The following TRDMT1 variants were observed in gnomAD, a reference collection of about 807,000 sequenced individuals.
The protein encoded by TRDMT1 is tRNA aspartic acid methyltransferase 1.
TRDMT1 carries 49 observed loss-of-function variants against 51.2 expected under a neutral mutation model. The ratio of observed to expected loss-of-function variants is 0.96; its 90% confidence interval spans 0.76 to 1.21. The LOEUF is 1.21. TRDMT1 is among the 50% of genes most tolerant of loss of function. TRDMT1 has a pLI of 0.00. For synonymous variants in TRDMT1, 187 were observed against 164.6 expected, an observed-to-expected ratio of 1.14 and a Z score of -1.04; for missense variants, 534 against 462.3, an observed-to-expected ratio of 1.16 and a Z score of -1.42.
At chr10:17,187,210 AGT>A (rs1172398505) in intron 1 of TRDMT1, among the ~76,000 whole-genome samples, 5 of 152,220 alleles carry the variant, frequency 3.3e-5, no homozygotes, top group Non-Finnish European at 7.3e-5. Flanking sequence ...GAATATTTTC[AGT>A]GTGTCCCAAT....
In TRDMT1 at chr10:17,145,577, CAGTT is replaced by C. The variant is rs921473331; in HGVS notation, c.*3459_*3462del. The C allele has an allele frequency of 1.4e-5, 14 of 985,326 alleles. No individual in the cohort carries two copies. In the Admixed American group the frequency reaches 1.8e-4, roughly 13 times the overall value. 61.0% of individuals were successfully genotyped at this position (985,326 alleles called of 1,614,324 possible). A position where few individuals can be genotyped will look rare whatever the true frequency, so the allele number is the denominator to read the frequency against. ...CAGTGTCATAACTGGTGGCCTAAAA[CAGTT>C]AGAATCCCAAGCCGAAGGCCAAATT... On this transcript the variant is annotated 3_prime_UTR_variant, in exon 11 of 11. Transcript: ENST00000377799.
At chr10:17,176,291 G>A (rs548514906) in intron 1 of TRDMT1, among the ~76,000 whole-genome samples, 1 of 152,206 alleles carries the variant, frequency 6.6e-6, no homozygotes, top group Non-Finnish European at 1.5e-5. Flanking sequence ...CATATATGAA[G>A]CAAACTGGGA....
Position 17,141,130 on chromosome 10 carries a change from T to C in TRDMT1, c.*7910A>G, listed in dbSNP as rs1167499151. The stretch of plus-strand genomic sequence containing the variant: ...CATCCAAATTGTGTCCCCCGCCCCA[T>C]GGCAACGTGTCATTTTTCTCCAGCT... On this transcript the variant is annotated 3_prime_UTR_variant, in exon 11 of 11. Transcript: ENST00000377799. 6.6e-6 allele frequency among the ~76,000 whole-genome samples: 1 copy of C among 152,198 alleles called. No individual in the cohort carries two copies. The highest frequency in any genetic ancestry group is 2.4e-5 in the African/African-American group (1 of 41,462).
At chr10:17,188,044 A>T (rs1398281152) in intron 1 of TRDMT1, among the ~76,000 whole-genome samples, 1 of 113,484 alleles carries the variant, frequency 8.8e-6, no homozygotes, top group Non-Finnish European at 2.0e-5. Flanking sequence ...ACATTAGTAA[A>T]CTTAATTTTA....
chr10:17,187,837 C>T (rs1564335728), intron 1 of TRDMT1, among the ~76,000 whole-genome samples: 1 of 152,044 alleles, frequency 6.6e-6, no homozygotes, highest in African/African-American at 2.4e-5. Flanking sequence ...AAACATAAGA[C>T]AACTAGAATA....
In TRDMT1 at chr10:17,201,666, T is replaced by A; in HGVS notation, c.-32A>T. The A allele has an allele frequency of 2.6e-6, 4 of 1,533,226 alleles. No homozygotes were observed. Among genetic ancestry groups the A allele is most frequent in the Non-Finnish European group, 3.5e-6 (4 of 1,140,190 alleles). The allele number at this position is 1,533,226 out of a possible 1,614,324, so 95.0% of individuals were successfully genotyped here. On this transcript the variant is annotated 5_prime_UTR_variant, in exon 1 of 11. Transcript: ENST00000377799. ...GCCTCAGCCGCCGCAGCCCCGGAGCTAGGCCTGCCGGTCCGTCGCTCCTCC... is the reference window on the plus strand; with the variant it reads ...GCCTCAGCCGCCGCAGCCCCGGAGCAAGGCCTGCCGGTCCGTCGCTCCTCC...
chr10:17,181,687 TAAC>T (rs1843300931), intron 1 of TRDMT1, among the ~76,000 whole-genome samples: 1 of 151,914 alleles, frequency 6.6e-6, no homozygotes, highest in Non-Finnish European at 1.5e-5. Context: ...TCAAATTTTT[TAAC>T]ACCTACAATG....
Position 17,159,118 on chromosome 10 carries a change from A to G in TRDMT1, c.543+28T>C, listed in dbSNP as rs1474009269. The G allele has an allele frequency of 3.5e-6, 5 of 1,422,350 alleles. No individual in the cohort carries two copies. The South Asian group carries it at 6.6e-5, about 19-fold the overall frequency. 88.1% of individuals were successfully genotyped at this position (1,422,350 alleles called of 1,614,324 possible). ...ATATTTATAATAAATAAGCCATAAT[A>G]TTCATAATAAAATTCCAATAATAAT... On this transcript the variant is annotated intron_variant, in intron 7 of 10. Transcript: ENST00000377799.
chr10:17,148,793 ATATT>A lies in TRDMT1; in HGVS notation c.*243_*246del. On this transcript the variant is annotated 3_prime_UTR_variant, in exon 11 of 11. Transcript: ENST00000377799. ...TTTTTAAAAAGAATATTCCACATAT[ATATT>A]TATCAGTTTCATATGAAAATATACT... is the stretch of plus-strand genomic sequence containing the variant. 4 of 1,072,876 alleles carry A rather than the reference ATATT, an allele frequency of 3.7e-6. No individual in the cohort carries two copies. In the South Asian group the frequency reaches 1.0e-4, roughly 28 times the overall value. 66.5% of individuals were successfully genotyped at this position (1,072,876 alleles called of 1,614,324 possible).
chr10:17,142,918 A>G lies in TRDMT1; in HGVS notation c.*6122T>C. ...TTATACTTACCCAGAGTTTATAATT[A>G]CACTTTTCAGGGAGGAGCAGGGAGA... On this transcript the variant is annotated 3_prime_UTR_variant, in exon 11 of 11. Transcript: ENST00000377799. 1 of 870,760 alleles carries G rather than the reference A, an allele frequency of 1.1e-6. No individual in the cohort carries two copies. The highest frequency in any genetic ancestry group is 1.4e-6 in the Non-Finnish European group (1 of 725,208). 53.9% of individuals were successfully genotyped at this position (870,760 alleles called of 1,614,324 possible). A position where few individuals can be genotyped will look rare whatever the true frequency, so the allele number is the denominator to read the frequency against.
intron 1 of TRDMT1, among the ~76,000 whole-genome samples, chr10:17,191,952 G>A (rs1238477236): frequency 6.6e-6 from 1 of 152,098 alleles, no homozygotes; most frequent in African/African-American, 2.4e-5. Flanking sequence ...ATCATTCTGA[G>A]GGTCAAGCTC....
chr10:17,190,229 T>G (rs1844505123), intron 1 of TRDMT1, among the ~76,000 whole-genome samples: 1 of 152,156 alleles, frequency 6.6e-6, no homozygotes, highest in East Asian at 1.9e-4. Flanking sequence ...TTCACCAATA[T>G]TTCTGATAAT....
intron 3 of TRDMT1, among the ~76,000 whole-genome samples, chr10:17,166,639 G>A (rs10795453): frequency 0.95 from 144,046 of 152,298 alleles, 68,553 homozygotes; most frequent in Non-Finnish European, 1. Flanking sequence ...AGGTTCAGCT[G>A]TGGGATTAGA....
intron 8 of TRDMT1, among the ~76,000 whole-genome samples, chr10:17,154,936 T>C (rs1177073731): frequency 1.3e-5 from 2 of 152,168 alleles, no homozygotes; most frequent in African/African-American, 4.8e-5. Context: ...GTCTCATCAA[T>C]GGGCCGGGCA....
rs1839666583 is a variant in TRDMT1, at chr10:17,157,359, T to G, written c.887+82A>C. On this transcript the variant is annotated intron_variant, in intron 8 of 10. Transcript: ENST00000377799. Reference sequence around the variant, plus strand: ...AAAACATTTTATAAAATGCTCCTTGTTTTTAGAAGAACTTAAAGAAACAAT... The same window carrying G: ...AAAACATTTTATAAAATGCTCCTTGGTTTTAGAAGAACTTAAAGAAACAAT... 4.6e-6 allele frequency: 6 copies of G among 1,314,002 alleles called. No individual in the cohort carries two copies. In the South Asian group the frequency reaches 8.1e-5, roughly 18 times the overall value. The allele number at this position is 1,314,002 out of a possible 1,614,324, so 81.4% of individuals were successfully genotyped here.
intron 10 of TRDMT1, chr10:17,152,131 AAAGCAGACTAGG>A (rs1259992442): frequency 2.2e-4 from 283 of 1,261,912 alleles, no homozygotes; most frequent in Non-Finnish European, 2.8e-4. Flanking sequence ...AGTAGCTAGG[AAAGCAGACTAGG>A]AATGAGAATT....
chr10:17,193,570 C>T (rs1844984094), intron 1 of TRDMT1, among the ~76,000 whole-genome samples: 1 of 151,976 alleles, frequency 6.6e-6, no homozygotes, highest in African/African-American at 2.4e-5. Flanking sequence ...CCACAAAAAA[C>T]ATATAAAAAT....
At chr10:17,157,399 T>C (rs775771489) in intron 8 of TRDMT1, 42 bp downstream of exon 8, 2 of 1,463,266 alleles carry the variant, frequency 1.4e-6, no homozygotes, top group Non-Finnish European at 1.8e-6. Context: ...TTAAAAAACC[T>C]GGTTATTTTG....
At chr10:17,196,787 T>C (rs1319853480) in intron 1 of TRDMT1, among the ~76,000 whole-genome samples, 2 of 152,180 alleles carry the variant, frequency 1.3e-5, no homozygotes, top group Non-Finnish European at 2.9e-5. Flanking sequence ...TGGTATCTAG[T>C]GTCTACCAAC....
Sources: allele counts gnomAD v4.1 joint callset (sites outside exome capture counted in the v4.1 genomes callset), GRCh38; gene constraint gnomAD v4.1.1; transcripts MANE v1.5; gene names NCBI Gene and HGNC (gene_info 2026-07-23, HGNC 2026-07-21).